Variants in RGPD4 observed in about 807,000 individuals in gnomAD.
RGPD4 encodes the protein RANBP2 like and GRIP domain containing 4.
A neutral mutation model predicts 141.1 loss-of-function variants in RGPD4; 84 were observed. The ratio of observed to expected loss-of-function variants is 0.60; its 90% CI spans 0.50 to 0.71. The LOEUF is 0.71. Ranked by LOEUF, RGPD4 falls within the 30% of genes least tolerant of loss-of-function variation. The probability of loss-of-function intolerance (pLI) is 0.00; values close to 1 mark genes in which losing one functional copy is unlikely to be tolerated. For missense variants in RGPD4, 918 were observed against 1,622.4 expected, an observed-to-expected ratio of 0.57 and a Z score of 7.46; for synonymous variants, 298 against 566.8, an observed-to-expected ratio of 0.53 and a Z score of 6.74.
At chr2:107,849,095 G>GC (rs1682040784) in intron 7 of RGPD4, among the ~76,000 whole-genome samples, 1 of 126,708 alleles carries the variant, frequency 7.9e-6, no homozygotes, top group African/African-American at 3.2e-5. Flanking sequence ...TCTCTCTGTT[G>GC]CCAGGCTGGA....
Position 107,871,810 on chromosome 2 carries a change from A to G in RGPD4, c.3806A>G (p.His1269Arg), listed in dbSNP as rs1682933127. ...LDDSVSSSSV[H>R]ASPLASSPVR... ...GATAGTGTCAGTAGTAGCTCAGTAC[A>G]TGCTTCTCCATTGGCAAGTAGCCCT... Residue 1269 changes from histidine (H) to arginine (R), a missense_variant, in exon 20 of 23, where the codon CAT becomes CGT. By Grantham distance (29) the His-to-Arg change is conservative. Coordinates refer to ENST00000408999, the MANE Select transcript of RGPD4 (RefSeq NM_182588.3). The G allele has an allele frequency of 6.2e-7, 1 of 1,611,460 alleles. No individual in the cohort carries two copies. Among genetic ancestry groups the G allele is most frequent in the Admixed American group, 1.7e-5 (1 of 59,964 alleles).
chr2:107,857,352 T>G (rs957386582), intron 9 of RGPD4, among the ~76,000 whole-genome samples: 1 of 151,124 alleles, frequency 6.6e-6, no homozygotes, highest in South Asian at 2.1e-4. Flanking sequence ...TTGGTCAGGC[T>G]GGTCTCAAAC....
intron 8 of RGPD4, among the ~76,000 whole-genome samples, chr2:107,855,874 C>T (rs1235550506): frequency 1.6e-4 from 11 of 70,100 alleles, no homozygotes; most frequent in African/African-American, 7.6e-4. Flanking sequence ...GAACATTTCA[C>T]ATAAATGGAA....
intron 9 of RGPD4, among the ~76,000 whole-genome samples, chr2:107,858,628 C>T (rs1469292099): frequency 3.3e-5 from 5 of 151,660 alleles, no homozygotes; most frequent in South Asian, 2.1e-4. Flanking sequence ...TTAGTAGAGG[C>T]GGAGTTTCAC....
At chr2:107,846,348 G>C (rs554596313) in intron 6 of RGPD4, among the ~76,000 whole-genome samples, 114 of 151,884 alleles carry the variant, frequency 7.5e-4, no homozygotes, top group Non-Finnish European at 6.5e-4. Flanking sequence ...TTGCAGGTCT[G>C]AGCCACTGCA....
At chr2:107,844,839 T>G (rs1185631401) in intron 6 of RGPD4, among the ~76,000 whole-genome samples, 116 of 94,162 alleles carry the variant, frequency 1.2e-3, no homozygotes, top group Non-Finnish European at 2.0e-3. Context: ...TGTTTTTTTT[T>G]TTTTTTTTTT....
At position 107,845,766 on chromosome 2, in the gene RGPD4, T is replaced by G. The variant is rs1396285389; in HGVS notation, c.782+2036T>G. ...TTTTTAGTAGAGACGGAGTGTCACCTTGTTAGCCAGGATGGTCTCGATCTC... is the reference window on the plus strand; with the variant it reads ...TTTTTAGTAGAGACGGAGTGTCACCGTGTTAGCCAGGATGGTCTCGATCTC... On this transcript the variant is annotated intron_variant, in intron 6 of 22. Transcript: ENST00000408999. Among the ~76,000 whole-genome samples the G allele has an allele frequency of 7.2e-5, 11 of 152,158 alleles. No homozygotes were observed. In the South Asian group the frequency reaches 1.0e-3, roughly 14 times the overall value.
intron 1 of RGPD4, among the ~76,000 whole-genome samples, chr2:107,831,322 T>G (rs1293515151): frequency 6.8e-6 from 1 of 147,314 alleles, no homozygotes; most frequent in African/African-American, 2.4e-5. Context: ...ACTTGACAGC[T>G]CTTATTTTTA....
chr2:107,833,544 G>T (rs1478775640), intron 1 of RGPD4, among the ~76,000 whole-genome samples: 1 of 150,130 alleles, frequency 6.7e-6, no homozygotes, highest in East Asian at 2.0e-4. Flanking sequence ...TTTAAACAAG[G>T]CATTTGCCTG....
Position 107,872,857 on chromosome 2 carries a change from T to A in RGPD4, c.4853T>A (p.Val1618Asp), listed in dbSNP as rs775838854. The A allele has an allele frequency of 2.2e-5, 35 of 1,600,102 alleles. No homozygotes were observed. The highest frequency in any genetic ancestry group is 3.0e-5 in the Non-Finnish European group (35 of 1,175,992). Residue 1618 changes from valine to aspartate, a missense_variant, in exon 20 of 23, where the codon GTC (valine) becomes GAC (aspartate). Transcript: ENST00000408999. ...SDIEQSSDSK[V>D]KNLSASFPME... is the part of the protein sequence containing the mutation. ...ATCGAACAGTCTTCAGATAGCAAAG[T>A]CAAAAATCTCTCTGCTTCCTTTCCA... is the stretch of plus-strand genomic sequence containing the variant.
intron 1 of RGPD4, among the ~76,000 whole-genome samples, chr2:107,830,266 T>A (rs1395537404): frequency 2.0e-5 from 3 of 151,478 alleles, no homozygotes; most frequent in African/African-American, 4.9e-5. Flanking sequence ...GTATTTTTCC[T>A]CTTTACATGT....
At chr2:107,883,860 A>G (rs1014131297) in intron 22 of RGPD4, among the ~76,000 whole-genome samples, 3 of 152,044 alleles carry the variant, frequency 2.0e-5, no homozygotes, top group African/African-American at 7.2e-5. Context: ...ATCTCTCTTG[A>G]GTTGTCACCC....
chr2:107,865,616 T>C (rs1407554767), intron 17 of RGPD4, among the ~76,000 whole-genome samples: 1 of 152,148 alleles, frequency 6.6e-6, no homozygotes. Context: ...AATGAAGGTG[T>C]GATCATTTAG....
chr2:107,854,275 G>T (rs1682223453), intron 7 of RGPD4, among the ~76,000 whole-genome samples: 2 of 150,304 alleles, frequency 1.3e-5, no homozygotes, highest in South Asian at 4.3e-4. Flanking sequence ...TGTTGGCCAG[G>T]CTGGTCTCGA....
rs1353016783 is a variant in RGPD4 at position 107,853,441 on chromosome 2, T to C, written c.979-1115T>C. Among the ~76,000 whole-genome samples, 3 of 144,494 alleles carry C rather than the reference T, an allele frequency of 2.1e-5. No homozygotes were observed. In the East Asian group the frequency reaches 5.9e-4, roughly 28 times the overall value. The allele number at this position is 144,494 out of a possible 152,430, so 94.8% of individuals were successfully genotyped here. On this transcript the variant is annotated intron_variant, in intron 7 of 22. Transcript: ENST00000408999. The stretch of plus-strand genomic sequence containing the variant: ...CTTCGCCATTCTATTCATCATGCTT[T>C]TTTTTTTCCATAGGTTATTGCATGA...
chr2:107,881,809 C>T (rs1314271219), intron 21 of RGPD4, among the ~76,000 whole-genome samples: 1 of 151,544 alleles, frequency 6.6e-6, no homozygotes, highest in African/African-American at 2.4e-5. Flanking sequence ...CATGATATTA[C>T]CTTTTTTATA....
chr2:107,827,192 G>C lies in RGPD4; in HGVS notation c.72+107G>C, dbSNP rs550339878. Reference sequence around the variant, plus strand: ...GGCTCAGGCGTCATGGCTCCCGACCGGCGCTGCTCCCTGGCGCGCTCTGTT... The same window carrying C: ...GGCTCAGGCGTCATGGCTCCCGACCCGCGCTGCTCCCTGGCGCGCTCTGTT... On this transcript the variant is annotated intron_variant, in intron 1 of 22. Transcript: ENST00000408999. 2.7e-4 allele frequency: 98 copies of C among 359,730 alleles called. 7 individuals carry two copies. The East Asian group carries it at 4.1e-3, about 15-fold the overall frequency. The allele number at this position is 359,730 out of a possible 1,614,324, so 22.3% of individuals were successfully genotyped here.
chr2:107,870,770 A>C lies in RGPD4; in HGVS notation c.2766A>C (p.Gly922=). ...EGFSIPVSAD[G]FKFGISEPGN... ...TTTCCATCCCTGTGTCTGCTGATGG[A>C]TTTAAATTTGGCATTTCGGAACCAG... Residue 922 remains glycine (G), a synonymous_variant, in exon 20 of 23, where the codon GGA becomes GGC. Coordinates refer to ENST00000408999, the MANE Select transcript of RGPD4 (RefSeq NM_182588.3). 1 of 1,610,298 alleles carries C rather than the reference A, an allele frequency of 6.2e-7. No homozygotes were observed. The highest frequency in any genetic ancestry group is 8.5e-7 in the Non-Finnish European group (1 of 1,179,290).
At chr2:107,834,157 C>T (rs1351621151) in intron 1 of RGPD4, among the ~76,000 whole-genome samples, 3 of 151,740 alleles carry the variant, frequency 2.0e-5, no homozygotes, top group Non-Finnish European at 4.4e-5. Context: ...AGGTGTTAGC[C>T]TGGCATTGAG....
Sources: allele counts gnomAD v4.1 joint callset (sites outside exome capture counted in the v4.1 genomes callset), GRCh38; gene constraint gnomAD v4.1.1; transcripts MANE v1.5; gene names NCBI Gene and HGNC (gene_info 2026-07-23, HGNC 2026-07-21).